NRAP: variants seen among roughly 807,000 people sequenced by gnomAD.
NRAP encodes the protein nebulin related anchoring protein, also known as nebulin-related-anchoring protein.
NRAP carries 189 observed loss-of-function variants against 225.9 expected under a neutral mutation model. The observed-to-expected ratio is 0.84, with a 90% CI of 0.74 to 0.94. NRAP has a LOEUF of 0.94. NRAP is among the 40% of genes least tolerant of loss of function. The pLI, the probability that NRAP is intolerant of heterozygous loss-of-function variation, is 0.00. For synonymous variants in NRAP, 769 were observed against 790.7 expected, an observed-to-expected ratio of 0.97 and a Z score of 0.46; for missense variants, 2,176 against 2,168.7, an observed-to-expected ratio of 1.00 and a Z score of -0.07.
intron 25 of NRAP, among the ~76,000 whole-genome samples, chr10:113,619,029 A>T (rs532082123): frequency 6.6e-6 from 1 of 152,268 alleles, no homozygotes; most frequent in South Asian, 2.1e-4. Flanking sequence ...GATGGGGGGG[A>T]AAGTTGCTGA....
intron 13 of NRAP, 129 bp downstream of exon 13, chr10:113,641,236 G>T: frequency 1.4e-5 from 8 of 554,194 alleles, no homozygotes; most frequent in South Asian, 3.2e-5. Flanking sequence ...AACTCTTTTG[G>T]GTCAGTCTTT....
intron 14 of NRAP, among the ~76,000 whole-genome samples, chr10:113,634,793 T>C (rs1334658227): frequency 6.6e-6 from 1 of 152,094 alleles, no homozygotes; most frequent in Non-Finnish European, 1.5e-5. Context: ...CGTCTTATAC[T>C]TCACCAAAAA....
Position 113,614,945 on chromosome 10 carries a change from G to T in NRAP, c.3080C>A (p.Thr1027Lys). Residue 1027 changes from threonine to lysine, a missense_variant and splice_region_variant, in exon 28 of 42, where the codon ACG (threonine) becomes AAG (lysine). Thr to Lys is a moderately conservative substitution (Grantham distance 78, BLOSUM62 -1). Transcript: ENST00000359988. ...AKLNAMNISETRYKESWSKLR... is the reference protein window; with the variant it reads ...AKLNAMNISEKRYKESWSKLR... Reference sequence around the variant, plus strand: ...TTTGCTCCAGGATTCCTTATAACGCGTCTGTCGGGAAGATGTGCACAAGGA... The same window carrying T: ...TTTGCTCCAGGATTCCTTATAACGCTTCTGTCGGGAAGATGTGCACAAGGA... The T allele has an allele frequency of 6.3e-7, 1 of 1,576,834 alleles. No individual in the cohort carries two copies. The highest frequency in any genetic ancestry group is 8.7e-7 in the Non-Finnish European group (1 of 1,145,660).
chr10:113,626,014 A>C, intron 21 of NRAP, 33 bp downstream of exon 21: 1 of 1,491,150 alleles, frequency 6.7e-7, no homozygotes, highest in East Asian at 2.3e-5. Context: ...ATGACACAGC[A>C]GCTTGGTGGA....
chr10:113,631,809 A>G (rs1564736975), intron 17 of NRAP, 48 bp downstream of exon 17: 1 of 1,207,274 alleles, frequency 8.3e-7, no homozygotes, highest in Non-Finnish European at 1.2e-6. Flanking sequence ...CTGACATTTT[A>G]TTGGAACCAT....
intron 6 of NRAP, among the ~76,000 whole-genome samples, chr10:113,652,715 G>A (rs905347549): frequency 6.6e-6 from 1 of 152,146 alleles, no homozygotes. Context: ...CAGACTTTGG[G>A]TGAACTATAC....
At chr10:113,607,236 C>CA (rs1216848357) in intron 32 of NRAP, among the ~76,000 whole-genome samples, 2 of 142,034 alleles carry the variant, frequency 1.4e-5, no homozygotes, top group Admixed American at 7.1e-5. Context: ...CAAAACAAAA[C>CA]AAAAAACAAA....
intron 30 of NRAP, among the ~76,000 whole-genome samples, chr10:113,611,988 A>C (rs1847357729): frequency 6.6e-6 from 1 of 152,248 alleles, no homozygotes. Flanking sequence ...ATATGGGCTG[A>C]TTGTGAGATA....
chr10:113,660,088 C>CA (rs1850569202), intron 3 of NRAP, among the ~76,000 whole-genome samples: 1 of 98,200 alleles, frequency 1.0e-5, no homozygotes, highest in South Asian at 3.4e-4. Flanking sequence ...ACACACACAC[C>CA]ATATACACAT....
chr10:113,603,839 T>A (rs547933333), intron 35 of NRAP, among the ~76,000 whole-genome samples: 82 of 152,280 alleles, frequency 5.4e-4, no homozygotes, highest in African/African-American at 1.9e-3. Context: ...TATCAACTTT[T>A]CAATGAGAAC....
intron 9 of NRAP, among the ~76,000 whole-genome samples, chr10:113,649,365 C>A (rs1467512618): frequency 6.6e-6 from 1 of 152,192 alleles, no homozygotes; most frequent in Non-Finnish European, 1.5e-5. Context: ...GGAATGTATT[C>A]TTCCAATACA....
intron 41 of NRAP, 138 bp downstream of exon 41, chr10:113,589,528 C>G: frequency 1.0e-6 from 1 of 993,952 alleles, no homozygotes. Flanking sequence ...TGAAATTAGG[C>G]GCCTTGTTTG....
intron 10 of NRAP, among the ~76,000 whole-genome samples, chr10:113,646,248 A>C (rs1849500291): frequency 6.6e-6 from 1 of 152,212 alleles, no homozygotes. Context: ...CCCTTGGTTT[A>C]AACATCATTT....
intron 33 of NRAP, 131 bp from the exon 34 acceptor site, chr10:113,606,000 C>A: frequency 1.2e-6 from 1 of 801,998 alleles, no homozygotes; most frequent in South Asian, 1.5e-5. Context: ...CATTAGTACA[C>A]ACCCTGGGTA....
At chr10:113,601,297 G>A (rs1003265517) in intron 35 of NRAP, among the ~76,000 whole-genome samples, 8 of 152,228 alleles carry the variant, frequency 5.3e-5, no homozygotes, top group Admixed American at 4.6e-4. Context: ...CCTGGGGAGG[G>A]CAAAGTCAGG....
rs186178037 is a variant in NRAP at position 113,604,917 on chromosome 10, G to T, written c.3919C>A (p.Leu1307Ile). ...RASGDIASDFLYRHDFVKERG... is the reference protein window; with the variant it reads ...RASGDIASDFIYRHDFVKERG... ...TCCTTCACAAAGTCATGTCTGTAGAGAAACTGCAAGAAAGGGCTGGCCGGT... is the reference window on the plus strand; with the variant it reads ...TCCTTCACAAAGTCATGTCTGTAGATAAACTGCAAGAAAGGGCTGGCCGGT... The change falls in exon 35 of 42, where the codon CTC (leucine) becomes ATC (isoleucine). Residue 1307 changes from leucine (L) to isoleucine (I), a missense_variant. By Grantham distance (5) the Leu-to-Ile change is conservative. Around this residue, in one of 3 missense-constraint regions of NRAP, gnomAD observed 1,708 missense variants for 1,695.5 expected, o/e 1.01. Coordinates refer to ENST00000359988, the MANE Select transcript of NRAP (RefSeq NM_198060.4). 1 of 1,608,646 alleles carries T rather than the reference G, an allele frequency of 6.2e-7. No homozygotes were observed. Among genetic ancestry groups the T allele is most frequent in the African/African-American group, 1.3e-5 (1 of 74,888 alleles).
chr10:113,641,486 CAA>C lies in NRAP; in HGVS notation c.1216-16_1216-15del, dbSNP rs1849200546. On this transcript the variant is annotated splice_polypyrimidine_tract_variant and intron_variant, in intron 12 of 41. Coordinates refer to ENST00000359988, the MANE Select transcript of NRAP (RefSeq NM_198060.4). ...TTTATATTTATTCTACATGGAAACG[CAA>C]AGTTTTCAACCAAAGCATTCCCTTC... 1 of 1,534,938 alleles carries C rather than the reference CAA, an allele frequency of 6.5e-7. No homozygotes were observed. The highest frequency in any genetic ancestry group is 1.4e-5 in the African/African-American group (1 of 73,150).
intron 9 of NRAP, 67 bp from the exon 10 acceptor site, chr10:113,647,094 G>A: frequency 1.0e-6 from 1 of 965,126 alleles, no homozygotes. Context: ...GTTCAGCAAT[G>A]GTCACTCATA....
At chr10:113,630,321 G>C (rs1848509661) in intron 18 of NRAP, among the ~76,000 whole-genome samples, 1 of 152,104 alleles carries the variant, frequency 6.6e-6, no homozygotes, top group African/African-American at 2.4e-5. Flanking sequence ...GTTCGGTGGT[G>C]ATGATGATGA....
Sources: gnomAD v4.1 joint callset for allele counts (sites outside exome capture counted in the v4.1 genomes callset) on GRCh38, gnomAD v4.1.1 for gene constraint, gnomAD v4.1.1 regional missense constraint, MANE v1.5 for transcripts, NCBI Gene and HGNC (gene_info 2026-07-23, HGNC 2026-07-21) for gene names.